Variants in SCN9A observed in about 807,000 individuals in gnomAD.
SCN9A encodes the protein sodium voltage-gated channel alpha subunit 9.
In SCN9A, 131 loss-of-function variants were observed where a neutral mutation model predicts 187.0. The ratio of observed to expected loss-of-function variants is 0.70; its 90% CI spans 0.61 to 0.81. SCN9A has a LOEUF of 0.81. SCN9A is among the 30% of genes least tolerant of loss of function. The pLI, the probability that SCN9A is intolerant of heterozygous loss-of-function variation, is 0.00. For synonymous variants in SCN9A, 809 were observed against 808.6 expected (o/e 1.00, Z -0.01); for missense variants, 2,252 against 2,396.6 (o/e 0.94, Z 1.26).
At chr2:166,297,601 G>A (rs183031911) in intron 7 of SCN9A, among the ~76,000 whole-genome samples, 2 of 151,862 alleles carry the variant, frequency 1.3e-5, no homozygotes, top group South Asian at 4.2e-4. Flanking sequence ...GGTTGCCAGG[G>A]GCTGGGAGAA....
At position 166,281,698 on chromosome 2, in the gene SCN9A, T is replaced by C. The variant is rs199588089; in HGVS notation, c.2085A>G (p.Ile695Met). ...ACATACCTTCCACAGTGTTTGTTAA[T>C]ATGCTTGCTCTACTCATTGCTCTCT... ...LRQRAMSRAS[I>M]LTNTVEELEE... Residue 695 changes from isoleucine (I) to methionine (M), a missense_variant, in exon 13 of 27, where the codon ATA (isoleucine) becomes ATG (methionine). This residue lies in a region of SCN9A where 1,013 missense variants were observed against 997.4 expected (regional missense o/e 1.02). Transcript: ENST00000642356. 233 of 1,613,180 alleles carry C rather than the reference T, an allele frequency of 1.4e-4. No homozygotes were observed. Among genetic ancestry groups the C allele is most frequent in the Non-Finnish European group, 1.9e-4 (219 of 1,179,478 alleles).
Position 166,238,197 on chromosome 2 carries a change from A to G in SCN9A, c.3698T>C (p.Phe1233Ser), listed in dbSNP as rs1187842137. The stretch of plus-strand genomic sequence containing the variant: ...CATTTCCAGAATGAAGATGTAAGTG[A>G]AGATCTTGTCTGCATACTCCAGGAT... Reference protein sequence around the residue: ...KIILEYADKIFTYIFILEMLL... With the variant: ...KIILEYADKISTYIFILEMLL... The change falls in exon 20 of 27, where the codon TTC (phenylalanine) becomes TCC (serine). Residue 1233 changes from phenylalanine (F) to serine (S), a missense_variant. Around this residue, in one of 7 missense-constraint regions of SCN9A, gnomAD observed 313 missense variants for 295.3 expected, o/e 1.06. Transcript: ENST00000642356. 18 of 1,606,156 alleles carry G rather than the reference A, an allele frequency of 1.1e-5. No individual in the cohort carries two copies. The East Asian group carries it at 3.8e-4, about 34-fold the overall frequency.
intron 1 of SCN9A, among the ~76,000 whole-genome samples, chr2:166,352,466 C>T (rs929426776): frequency 2.0e-5 from 3 of 152,052 alleles, no homozygotes; most frequent in African/African-American, 7.2e-5. Context: ...AACTAAGAAA[C>T]CAAATAAGGC....
chr2:166,306,727 C>G, intron 3 of SCN9A, 128 bp from the exon 4 acceptor site: 1 of 741,716 alleles, frequency 1.3e-6, no homozygotes, highest in South Asian at 1.6e-5. Flanking sequence ...ACTATTTTGT[C>G]TCTTTGAACA....
chr2:166,274,001 A>G (rs371549579), intron 16 of SCN9A, among the ~76,000 whole-genome samples: 1 of 152,176 alleles, frequency 6.6e-6, no homozygotes, highest in African/African-American at 2.4e-5. Flanking sequence ...ATTGCTAAAA[A>G]TCCCTGAAAT....
At chr2:166,253,733 T>C (rs568932455) in intron 17 of SCN9A, among the ~76,000 whole-genome samples, 2 of 151,796 alleles carry the variant, frequency 1.3e-5, no homozygotes, top group African/African-American at 4.8e-5. Flanking sequence ...TATTATTCTG[T>C]GAAGTTAAGA....
intron 1 of SCN9A, among the ~76,000 whole-genome samples, chr2:166,330,519 C>A (rs2105262877): frequency 6.6e-6 from 1 of 152,210 alleles, no homozygotes; most frequent in East Asian, 1.9e-4. Flanking sequence ...GCATAATATT[C>A]CAGTGTATAT....
chr2:166,202,200 A>ATT lies in SCN9A; in HGVS notation c.4774+1753_4774+1754dup, dbSNP rs11417793. Among the ~76,000 whole-genome samples the ATT allele has an allele frequency of 3.6e-3, 505 of 141,708 alleles. 9 individuals are homozygous for ATT. Among genetic ancestry groups the ATT allele is most frequent in the Admixed American group, 0.033 (474 of 14,416 alleles). 93.0% of individuals were successfully genotyped at this position (141,708 alleles called of 152,430 possible). A position where few individuals can be genotyped will look rare whatever the true frequency, so the allele number is the denominator to read the frequency against. The stretch of plus-strand genomic sequence containing the variant: ...TTTTTTGTGCAGTCATTTCTTCTTC[A>ATT]TTTTTTTTTTTGGCTTTACAAATTT... On this transcript the variant is annotated intron_variant, in intron 26 of 26. Transcript: ENST00000642356.
At chr2:166,351,545 GC>G (rs1228002651) in intron 1 of SCN9A, among the ~76,000 whole-genome samples, 4 of 152,176 alleles carry the variant, frequency 2.6e-5, no homozygotes, top group Non-Finnish European at 5.9e-5. Context: ...GAAAGCTCTT[GC>G]TCTGGTTCAG....
At chr2:166,244,061 G>T (rs1335030460) in intron 18 of SCN9A, among the ~76,000 whole-genome samples, 1 of 152,032 alleles carries the variant, frequency 6.6e-6, no homozygotes, top group East Asian at 1.9e-4. Flanking sequence ...ACTACCAGGT[G>T]GATGTTAGCA....
intron 2 of SCN9A, among the ~76,000 whole-genome samples, chr2:166,310,115 G>T (rs1379205733): frequency 9.5e-6 from 1 of 105,232 alleles, no homozygotes; most frequent in Non-Finnish European, 2.0e-5. Context: ...ATGGATTAAA[G>T]ACTTAAACAT....
chr2:166,229,006 A>T, intron 21 of SCN9A, 34 bp from the exon 22 acceptor site: 1 of 1,549,816 alleles, frequency 6.5e-7, no homozygotes, highest in South Asian at 1.2e-5. Context: ...CATGATTAGG[A>T]TTAGTAAGAT....
In SCN9A at chr2:166,272,529, C is replaced by T; in HGVS notation, c.3221G>A (p.Ser1074Asn). The T allele has an allele frequency of 1.9e-6, 3 of 1,613,490 alleles. No homozygotes were observed. Among genetic ancestry groups the T allele is most frequent in the Non-Finnish European group, 2.5e-6 (3 of 1,179,706 alleles). The change falls in exon 17 of 27, where the codon AGT (serine) becomes AAT (asparagine). Residue 1074 changes from serine (S) to asparagine (N), a missense_variant. Physicochemically the swap from Ser to Asn is conservative, Grantham distance 46. This residue lies in a region of SCN9A where 313 missense variants were observed against 295.3 expected (regional missense o/e 1.06). Coordinates refer to ENST00000642356, the MANE Select transcript of SCN9A (RefSeq NM_001365536.1). Reference sequence around the variant, plus strand: ...ATTGTGAATAAATGATTGACCATCACTGTCTTCCATCAAGTGTTTGTCCAC... The same window carrying T: ...ATTGTGAATAAATGATTGACCATCATTGTCTTCCATCAAGTGTTTGTCCAC... ...SSVDKHLMEDSDGQSFIHNPS... is the reference protein window; with the variant it reads ...SSVDKHLMEDNDGQSFIHNPS...
chr2:166,257,856 A>G lies in SCN9A; in HGVS notation c.3352-5971T>C, dbSNP rs116421644. ...AAAATTCACCATATTCTGGAATAAA[A>G]TAGTTTTCTATGAGAATATTGCCTC... On this transcript the variant is annotated intron_variant, in intron 17 of 26. Transcript: ENST00000642356. Among the ~76,000 whole-genome samples, 828 of 151,622 alleles carry G rather than the reference A, an allele frequency of 5.5e-3. 3 individuals carry two copies. Among genetic ancestry groups the G allele is most frequent in the Non-Finnish European group, 9.7e-3 (658 of 67,642 alleles).
At chr2:166,342,510 A>G (rs1387166806) in intron 1 of SCN9A, among the ~76,000 whole-genome samples, 1 of 152,178 alleles carries the variant, frequency 6.6e-6, no homozygotes, top group East Asian at 1.9e-4. Flanking sequence ...ACTGTTTTTT[A>G]AAGATTAAAC....
chr2:166,284,745 C>A lies in SCN9A; in HGVS notation c.1682G>T (p.Gly561Val), dbSNP rs773556198. Reference sequence around the variant, plus strand: ...TTCAGTCTCAGATCCTATATCTCTTCCTCTGCCTTTGAAACTAAAAAGACT... The same window carrying A: ...TTCAGTCTCAGATCCTATATCTCTTACTCTGCCTTTGAAACTAAAAAGACT... ...RTSLFSFKGR[G>V]RDIGSETEFA... Residue 561 changes from glycine (G) to valine (V), a missense_variant, in exon 12 of 27, where the codon GGA becomes GTA. Gly to Val is a moderately radical substitution (Grantham distance 109, BLOSUM62 -3). This residue lies in a region of SCN9A where 1,013 missense variants were observed against 997.4 expected (regional missense o/e 1.02). Coordinates refer to ENST00000642356, the MANE Select transcript of SCN9A (RefSeq NM_001365536.1). 1 of 1,613,904 alleles carries A rather than the reference C, an allele frequency of 6.2e-7. No individual in the cohort carries two copies. The highest frequency in any genetic ancestry group is 1.1e-5 in the South Asian group (1 of 91,088).
intron 5 of SCN9A, 60 bp from the exon 6 acceptor site, chr2:166,304,389 C>G (rs919748656): frequency 1.4e-6 from 2 of 1,438,640 alleles, no homozygotes; most frequent in Non-Finnish European, 1.9e-6. Context: ...CTTACCTGAG[C>G]CTTTAGTCAA....
chr2:166,289,204 T>C (rs1260736973), intron 9 of SCN9A, among the ~76,000 whole-genome samples: 1 of 151,956 alleles, frequency 6.6e-6, no homozygotes, highest in African/African-American at 2.4e-5. Flanking sequence ...ACAGAGATTT[T>C]TTTTTCTTTT....
intron 17 of SCN9A, among the ~76,000 whole-genome samples, chr2:166,256,455 C>A (rs1696279188): frequency 6.6e-6 from 1 of 151,078 alleles, no homozygotes; most frequent in African/African-American, 2.4e-5. Flanking sequence ...AAAAATACTC[C>A]AGATATTATT....
Sources: gnomAD v4.1 joint callset for allele counts (sites outside exome capture counted in the v4.1 genomes callset) on GRCh38, gnomAD v4.1.1 for gene constraint, gnomAD v4.1.1 regional missense constraint, MANE v1.5 for transcripts, NCBI Gene and HGNC (gene_info 2026-07-23, HGNC 2026-07-21) for gene names.